The following TPMT variants were observed in gnomAD, a reference collection of about 807,000 sequenced individuals.
TPMT encodes thiopurine S-methyltransferase.
A neutral mutation model predicts 34.2 loss-of-function variants in TPMT; 18 were observed. That is an observed-to-expected ratio of 0.53 (90% CI 0.36 to 0.78). TPMT has a LOEUF of 0.78. Among genes scored for constraint, TPMT ranks in the 30% least tolerant of loss-of-function variants. TPMT has a pLI of 0.00. For synonymous variants in TPMT, 69 were observed against 92.4 expected (o/e 0.75, Z 1.45); for missense variants, 265 against 288.1 (o/e 0.92, Z 0.58).
intron 4 of TPMT, among the ~76,000 whole-genome samples, chr6:18,142,076 T>C (rs1460920844): frequency 6.6e-6 from 1 of 152,160 alleles, no homozygotes; most frequent in African/African-American, 2.4e-5. Context: ...CTGTGAGCCC[T>C]ATGTAAATCA....
At position 18,154,597 on chromosome 6, in the gene TPMT, C is replaced by T. The variant is rs1231300157; in HGVS notation, c.-45+436G>A. On this transcript the variant is annotated intron_variant, in intron 1 of 8. Transcript: ENST00000309983. This position sits in a 1 kb window ranked among gnomAD's most constrained non-coding sequence, Gnocchi z 4.2. ...CAGGCTGGGGAAAAAACCGAGAGTC[C>T]GTTTCTATAAAAAAAAATTTGAAAA... is the stretch of plus-strand genomic sequence containing the variant. 1.3e-5 allele frequency among the ~76,000 whole-genome samples: 2 copies of T among 151,848 alleles called. No individual in the cohort carries two copies. The highest frequency in any genetic ancestry group is 4.8e-5 in the African/African-American group (2 of 41,316).
In TPMT at chr6:18,148,196, T is replaced by C. The variant is rs988198683; in HGVS notation, c.141-281A>G. ...CTTTATTAATTCTCTAAATATGTACTATTTTGGGGGTGATGGAGCCTCTGG... is the reference window on the plus strand; with the variant it reads ...CTTTATTAATTCTCTAAATATGTACCATTTTGGGGGTGATGGAGCCTCTGG... On this transcript the variant is annotated intron_variant, in intron 2 of 8. Transcript: ENST00000309983. The surrounding 1 kb of genome is among the most constrained non-coding windows in gnomAD (Gnocchi z 4.1). 2.6e-5 allele frequency among the ~76,000 whole-genome samples: 4 copies of C among 152,164 alleles called. No individual in the cohort carries two copies. The highest frequency in any genetic ancestry group is 7.2e-5 in the African/African-American group (3 of 41,444).
rs1783885540 is a variant in TPMT at position 18,129,101 on chromosome 6, G to A, written c.*1567C>T. 1 of 152,204 alleles carries A rather than the reference G, an allele frequency of 6.6e-6. No homozygotes were observed. 9.4% of individuals were successfully genotyped at this position (152,204 alleles called of 1,614,324 possible). A position where few individuals can be genotyped will look rare whatever the true frequency, so the allele number is the denominator to read the frequency against. ...ATAAAAGTAAAATCAAAAGTCTCTG[G>A]AGAGAATTGTGTTGGTCCAGCTCGG... On this transcript the variant is annotated 3_prime_UTR_variant, in exon 9 of 9. Transcript: ENST00000309983.
rs570987097 is a variant in TPMT, at chr6:18,131,309, C to T, written c.626-529G>A. 5.3e-5 allele frequency among the ~76,000 whole-genome samples: 8 copies of T among 151,982 alleles called. No homozygotes were observed. The South Asian group carries it at 1.2e-3, about 24-fold the overall frequency. Reference sequence around the variant, plus strand: ...AAAATAAATACACCACTGGGCATGGCGGCTCATGCCTCTAATCCCAGTACT... The same window carrying T: ...AAAATAAATACACCACTGGGCATGGTGGCTCATGCCTCTAATCCCAGTACT... On this transcript the variant is annotated intron_variant, in intron 8 of 8. Transcript: ENST00000309983. This position sits in a 1 kb window ranked among gnomAD's most constrained non-coding sequence, Gnocchi z 4.3.
At chr6:18,141,071 C>T (rs1296024771) in intron 4 of TPMT, among the ~76,000 whole-genome samples, 3 of 152,176 alleles carry the variant, frequency 2.0e-5, no homozygotes, top group Admixed American at 2.0e-4. Context: ...GAGCTTTAAA[C>T]AGTACTGATG....
At chr6:18,151,116 T>C (rs890041178) in intron 1 of TPMT, among the ~76,000 whole-genome samples, 2 of 152,118 alleles carry the variant, frequency 1.3e-5, no homozygotes, top group South Asian at 2.1e-4. Flanking sequence ...TATTTTTCTA[T>C]ATCTTCATGT....
chr6:18,130,787 C>CATGTA lies in TPMT; in HGVS notation c.626-8_626-7insTACAT. The CATGTA allele has an allele frequency of 6.3e-7, 1 of 1,587,024 alleles. No homozygotes were observed. The highest frequency in any genetic ancestry group is 8.7e-7 in the Non-Finnish European group (1 of 1,155,740). On this transcript the variant is annotated splice_region_variant and splice_polypyrimidine_tract_variant and intron_variant, in intron 8 of 8. Transcript: ENST00000309983. This position sits in a 1 kb window ranked among gnomAD's most constrained non-coding sequence, Gnocchi z 4.2. ...CGTATATTGCATATTTTACCTGAAA[C>CATGTA]AAGAAAGAGTAACATGTTAAAATAC...
chr6:18,148,359 C>T lies in TPMT; in HGVS notation c.141-444G>A, dbSNP rs1784288051. Reference sequence around the variant, plus strand: ...GGAGATGTGGCTCTTCTAAGGCCATCCACATGACAGAAATAACCCAGTGTT... The same window carrying T: ...GGAGATGTGGCTCTTCTAAGGCCATTCACATGACAGAAATAACCCAGTGTT... On this transcript the variant is annotated intron_variant, in intron 2 of 8. Coordinates refer to ENST00000309983, the MANE Select transcript of TPMT (RefSeq NM_000367.5). The surrounding 1 kb of genome is among the most constrained non-coding windows in gnomAD (Gnocchi z 4.1). Among the ~76,000 whole-genome samples, 1 of 152,044 alleles carries T rather than the reference C, an allele frequency of 6.6e-6. No homozygotes were observed. The highest frequency in any genetic ancestry group is 1.5e-5 in the Non-Finnish European group (1 of 68,024).
At position 18,145,932 on chromosome 6, in the gene TPMT, G is replaced by A. The variant is rs759896331; in HGVS notation, c.233+1891C>T. Among the ~76,000 whole-genome samples the A allele has an allele frequency of 7.9e-5, 12 of 152,140 alleles. No homozygotes were observed. Among genetic ancestry groups the A allele is most frequent in the Non-Finnish European group, 1.5e-4 (10 of 68,034 alleles). On this transcript the variant is annotated intron_variant, in intron 3 of 8. Coordinates refer to ENST00000309983, the MANE Select transcript of TPMT (RefSeq NM_000367.5). This position sits in a 1 kb window ranked among gnomAD's most constrained non-coding sequence, Gnocchi z 5.6. ...CAAGGTTGCAGTGAGCTATGATCAT[G>A]CCACTGCACTCCACCCTGGGTGACA...
intron 4 of TPMT, among the ~76,000 whole-genome samples, chr6:18,142,411 G>C (rs1345933773): frequency 1.3e-5 from 2 of 152,020 alleles, no homozygotes; most frequent in African/African-American, 4.8e-5. Context: ...GCCAGAGAAA[G>C]GCAAACATGC....
chr6:18,141,405 T>A (rs1227619140), intron 4 of TPMT, among the ~76,000 whole-genome samples: 2 of 151,582 alleles, frequency 1.3e-5, no homozygotes, highest in Admixed American at 1.3e-4. Context: ...AGTGGTGCGA[T>A]CTTGGCTCGC....
rs991405055 is a variant in TPMT, at chr6:18,136,928, G to A, written c.494+2035C>T. Among the ~76,000 whole-genome samples, 4 of 152,128 alleles carry A rather than the reference G, an allele frequency of 2.6e-5. No individual in the cohort carries two copies. The highest frequency in any genetic ancestry group is 2.6e-4 in the Admixed American group (4 of 15,264). Reference sequence around the variant, plus strand: ...GGATGGTGGTCCCTTGGGGAATCACGACTTTTAGGCATGCAAGGAGGATGG... The same window carrying A: ...GGATGGTGGTCCCTTGGGGAATCACAACTTTTAGGCATGCAAGGAGGATGG... On this transcript the variant is annotated intron_variant, in intron 6 of 8. Transcript: ENST00000309983. This position sits in a 1 kb window ranked among gnomAD's most constrained non-coding sequence, Gnocchi z 4.7.
Position 18,130,453 on chromosome 6 carries a change from C to G in TPMT, c.*215G>C. ...AATCTTTCACATCATAATCTCCTCTCCAAAGGAGCTACTTTAAAAGTTTAG... is the reference window on the plus strand; with the variant it reads ...AATCTTTCACATCATAATCTCCTCTGCAAAGGAGCTACTTTAAAAGTTTAG... On this transcript the variant is annotated 3_prime_UTR_variant, in exon 9 of 9. Transcript: ENST00000309983. This position sits in a 1 kb window ranked among gnomAD's most constrained non-coding sequence, Gnocchi z 4.2. 2 of 504,888 alleles carry G rather than the reference C, an allele frequency of 4.0e-6. No individual in the cohort carries two copies. The highest frequency in any genetic ancestry group is 6.7e-5 in the Admixed American group (2 of 29,970). 31.3% of individuals were successfully genotyped at this position (504,888 alleles called of 1,614,324 possible). A position where few individuals can be genotyped will look rare whatever the true frequency, so the allele number is the denominator to read the frequency against.
In TPMT at chr6:18,153,887, ACTGT is replaced by A. The variant is rs1173443214; in HGVS notation, c.-45+1142_-45+1145del. On this transcript the variant is annotated intron_variant, in intron 1 of 8. Transcript: ENST00000309983. The surrounding 1 kb of genome is among the most constrained non-coding windows in gnomAD (Gnocchi z 4.2). ...CTCTATTCCTTTCACACAAACTTGA[ACTGT>A]CTAACAAAATCATGCACATAACTTA... Among the ~76,000 whole-genome samples, 2 of 152,200 alleles carry A rather than the reference ACTGT, an allele frequency of 1.3e-5. No homozygotes were observed. The highest frequency in any genetic ancestry group is 2.9e-5 in the Non-Finnish European group (2 of 68,044).
chr6:18,143,845 C>T lies in TPMT; in HGVS notation c.234-117G>A. 7.5e-7 allele frequency: 1 copy of T among 1,340,638 alleles called. No homozygotes were observed. The highest frequency in any genetic ancestry group is 1.0e-6 in the Non-Finnish European group (1 of 972,016). 83.0% of individuals were successfully genotyped at this position (1,340,638 alleles called of 1,614,324 possible). A position where few individuals can be genotyped will look rare whatever the true frequency, so the allele number is the denominator to read the frequency against. On this transcript the variant is annotated intron_variant, in intron 3 of 8. Transcript: ENST00000309983. The surrounding 1 kb of genome is among the most constrained non-coding windows in gnomAD (Gnocchi z 6.1). ...AGAGGAATTTATATGAATTCAGGTT[C>T]ATAGGGTTTCAAAGAACATGCAGGA...
In TPMT at chr6:18,153,014, A is replaced by AT. The variant is rs1227827702; in HGVS notation, c.-45+2018dup. On this transcript the variant is annotated intron_variant, in intron 1 of 8. Coordinates refer to ENST00000309983, the MANE Select transcript of TPMT (RefSeq NM_000367.5). The surrounding 1 kb of genome is among the most constrained non-coding windows in gnomAD (Gnocchi z 4.2). ...ATCCTGTGATTGTGGTAACACCGCC[A>AT]TTTTTTGTGCATGGTACCCATGAAG... 6.6e-6 allele frequency among the ~76,000 whole-genome samples: 1 copy of AT among 152,160 alleles called. No homozygotes were observed. Among genetic ancestry groups the AT allele is most frequent in the East Asian group, 1.9e-4 (1 of 5,188 alleles).
Position 18,130,679 on chromosome 6 carries a change from T to C in TPMT, c.727A>G (p.Thr243Ala), listed in dbSNP as rs1783923675. 1 of 1,601,078 alleles carries C rather than the reference T, an allele frequency of 6.2e-7. No individual in the cohort carries two copies. Residue 243 changes from threonine (T) to alanine (A), a missense_variant, in exon 9 of 9, where the codon ACA becomes GCA. Physicochemically the swap from Thr to Ala is moderately conservative, Grantham distance 58 (BLOSUM62 0). Coordinates refer to ENST00000309983, the MANE Select transcript of TPMT (RefSeq NM_000367.5). The surrounding 1 kb of genome is among the most constrained non-coding windows in gnomAD (Gnocchi z 4.2). ...TATCTATGTCTCATTTACTTTTCTG[T>C]AAGTAGATATAACTTTTCAAAAAGA... ...DCLFEKLYLL[T>A]EK is the part of the protein sequence containing the mutation.
At chr6:18,134,640 C>T (rs1784010045) in intron 6 of TPMT, among the ~76,000 whole-genome samples, 2 of 152,110 alleles carry the variant, frequency 1.3e-5, no homozygotes, top group African/African-American at 4.8e-5. Flanking sequence ...CAGGTACAGA[C>T]GATGAGTTGA....
At chr6:18,144,401 G>A (rs1045523628) in intron 3 of TPMT, among the ~76,000 whole-genome samples, 4 of 152,120 alleles carry the variant, frequency 2.6e-5, no homozygotes, top group Non-Finnish European at 5.9e-5. Flanking sequence ...TTGAGACGGA[G>A]TCTCACTTTG....
Sources: gnomAD v4.1 joint callset for allele counts (sites outside exome capture counted in the v4.1 genomes callset) on GRCh38, gnomAD v4.1.1 for gene constraint, Gnocchi (gnomAD v3.1) non-coding constraint, MANE v1.5 for transcripts, NCBI Gene and HGNC (gene_info 2026-07-23, HGNC 2026-07-21) for gene names.